Variants in DIS3L2 observed in about 807,000 individuals in gnomAD.
DIS3L2 encodes the protein DIS3 like 3'-5' exoribonuclease 2, also known as DIS3-like exonuclease 2.
In DIS3L2, 34 loss-of-function variants were observed where a neutral mutation model predicts 97.5. That is an observed-to-expected ratio of 0.35 (90% CI 0.27 to 0.46). The LOEUF is 0.46. Among genes scored for constraint, DIS3L2 ranks in the 20% least tolerant of loss-of-function variants. DIS3L2 has a pLI of 1.00. For synonymous variants in DIS3L2, 435 were observed against 445.2 expected (o/e 0.98, Z 0.29); for missense variants, 1,038 against 1,146.0 (o/e 0.91, Z 1.36).
chr2:232,309,252 CTCTA>C, intron 14 of DIS3L2, among the ~76,000 whole-genome samples: 1 of 152,214 alleles, frequency 6.6e-6, no homozygotes, highest in Non-Finnish European at 1.5e-5. Flanking sequence ...ACTCCCCAGA[CTCTA>C]TCTTTCTGCC....
chr2:232,305,068 TTTTTA>T (rs908792010), intron 14 of DIS3L2, among the ~76,000 whole-genome samples: 1 of 152,036 alleles, frequency 6.6e-6, no homozygotes, highest in Non-Finnish European at 1.5e-5. Context: ...GAATATTTGG[TTTTTA>T]TTTTATTTTA....
At chr2:232,287,529 G>T (rs1694479136) in intron 13 of DIS3L2, among the ~76,000 whole-genome samples, 1 of 151,672 alleles carries the variant, frequency 6.6e-6, no homozygotes, top group Non-Finnish European at 1.5e-5. Flanking sequence ...CTCCTGAGTA[G>T]CTGGGACCAC....
At position 232,249,337 on chromosome 2, in the gene DIS3L2, A is replaced by G. The variant is rs1693356802; in HGVS notation, c.1416A>G (p.Pro472=). The G allele has an allele frequency of 6.2e-7, 1 of 1,614,196 alleles. No homozygotes were observed. The highest frequency in any genetic ancestry group is 8.5e-7 in the Non-Finnish European group (1 of 1,180,028). ...LTFSVIWTLT[P]EGKILDEWFG... is the part of the protein sequence containing the mutation. ...TCTCTGTGATCTGGACACTGACTCC[A>G]GAGGGCAAGGTAACAACTTACACGT... The change falls in exon 12 of 21, where the codon CCA becomes CCG. Residue 472 remains proline (P), a synonymous_variant. Coordinates refer to ENST00000325385, the MANE Select transcript of DIS3L2 (RefSeq NM_152383.5).
chr2:232,263,179 T>A, intron 12 of DIS3L2, 28 bp from the exon 13 acceptor site: 1 of 1,607,766 alleles, frequency 6.2e-7, no homozygotes, highest in African/African-American at 1.3e-5. Context: ...GTCCTCACAA[T>A]TCCCTTGTAA....
At chr2:232,176,855 G>T (rs933126682) in intron 9 of DIS3L2, among the ~76,000 whole-genome samples, 2 of 148,934 alleles carry the variant, frequency 1.3e-5, no homozygotes, top group Admixed American at 6.7e-5. Context: ...TGCACATTGT[G>T]CAGGTTAGTT....
intron 7 of DIS3L2, among the ~76,000 whole-genome samples, chr2:232,135,143 C>T (rs1196311806): frequency 6.6e-6 from 1 of 151,918 alleles, no homozygotes; most frequent in Admixed American, 6.6e-5. Flanking sequence ...AGGTTGCTGG[C>T]GTTGAAGAGA....
chr2:232,156,960 A>G (rs921271247), intron 8 of DIS3L2, among the ~76,000 whole-genome samples: 2 of 152,208 alleles, frequency 1.3e-5, no homozygotes, highest in African/African-American at 2.4e-5. Context: ...TGTGTTTTAT[A>G]TGTTAATAAA....
At chr2:232,135,538 G>A (rs1287755786) in intron 7 of DIS3L2, among the ~76,000 whole-genome samples, 1 of 152,174 alleles carries the variant, frequency 6.6e-6, no homozygotes, top group African/African-American at 2.4e-5. Flanking sequence ...GTTTTTCAGG[G>A]AAGAAGGAAG....
In DIS3L2 at chr2:232,270,116, C is replaced by G. The variant is rs528414762; in HGVS notation, c.1659+6676C>G. Among the ~76,000 whole-genome samples the G allele has an allele frequency of 7.9e-5, 12 of 152,210 alleles. No individual in the cohort carries two copies. In the South Asian group the frequency reaches 2.3e-3, roughly 29 times the overall value. ...CAGTTTAGGCACATGGTAGTACCAC[C>G]TGGGGACACCACCGTGGTGGAGGTC... On this transcript the variant is annotated intron_variant, in intron 13 of 20. Transcript: ENST00000325385.
At chr2:232,000,308 A>G (rs1693840939) in intron 1 of DIS3L2, among the ~76,000 whole-genome samples, 1 of 152,216 alleles carries the variant, frequency 6.6e-6, no homozygotes, top group Non-Finnish European at 1.5e-5. Flanking sequence ...AGATGACTGT[A>G]TACAATATAT....
At chr2:232,187,123 A>G (rs1216768905) in intron 9 of DIS3L2, among the ~76,000 whole-genome samples, 1 of 152,234 alleles carries the variant, frequency 6.6e-6, no homozygotes, top group East Asian at 1.9e-4. Context: ...GAATTTTAAG[A>G]CACACAAATG....
At position 232,275,390 on chromosome 2, in the gene DIS3L2, C is replaced by A. The variant is rs146646897; in HGVS notation, c.1659+11950C>A. Among the ~76,000 whole-genome samples the A allele has an allele frequency of 3.9e-3, 593 of 152,274 alleles. 5 individuals are homozygous for A. The highest frequency in any genetic ancestry group is 0.014 in the African/African-American group (562 of 41,550). On this transcript the variant is annotated intron_variant, in intron 13 of 20. Coordinates refer to ENST00000325385, the MANE Select transcript of DIS3L2 (RefSeq NM_152383.5). ...GCTGGGCACAGAAGAGGTATGCAGT[C>A]CTTTAGTGGGGCATCACTCGGCTAG... is the stretch of plus-strand genomic sequence containing the variant.
chr2:232,207,388 C>G (rs1260180407), intron 9 of DIS3L2, among the ~76,000 whole-genome samples: 1 of 152,216 alleles, frequency 6.6e-6, no homozygotes, highest in Non-Finnish European at 1.5e-5. Context: ...TACCATCAAT[C>G]TGTTCATTCA....
intron 9 of DIS3L2, among the ~76,000 whole-genome samples, chr2:232,185,088 G>C (rs1169535111): frequency 2.0e-5 from 3 of 152,186 alleles, no homozygotes; most frequent in African/African-American, 7.2e-5. Context: ...TTCTCATCAA[G>C]AGCAAGGACT....
chr2:232,057,228 A>G (rs1195494800), intron 5 of DIS3L2, among the ~76,000 whole-genome samples: 1 of 152,176 alleles, frequency 6.6e-6, no homozygotes, highest in Non-Finnish European at 1.5e-5. Flanking sequence ...TGAAAGGGGC[A>G]AGAGAAGAAC....
At chr2:232,244,284 G>A (rs972603402) in intron 11 of DIS3L2, among the ~76,000 whole-genome samples, 2 of 152,156 alleles carry the variant, frequency 1.3e-5, no homozygotes, top group African/African-American at 2.4e-5. Flanking sequence ...CCCCAGCTGT[G>A]TTCTGGGGAC....
intron 11 of DIS3L2, among the ~76,000 whole-genome samples, chr2:232,244,642 G>A (rs1693198566): frequency 6.6e-6 from 1 of 152,208 alleles, no homozygotes; most frequent in Admixed American, 6.5e-5. Context: ...AGTGGGCCTG[G>A]GAGAAATTGG....
At chr2:232,216,132 T>TGTTGCTTTCTCACTTCCC (rs578121246) in intron 10 of DIS3L2, among the ~76,000 whole-genome samples, 3 of 152,262 alleles carry the variant, frequency 2.0e-5, no homozygotes, top group East Asian at 1.9e-4. Context: ...CTTTACTTGC[T>TGTTGCTTTCTCACTTCCC]GTTGCTTTCT....
At chr2:232,131,754 T>C (rs141317621) in intron 7 of DIS3L2, 2 of 152,110 alleles carry the variant, frequency 1.3e-5, no homozygotes, top group African/African-American at 4.8e-5. Context: ...TAATAGAGTA[T>C]TGCTCTTGCA....
Sources: allele counts gnomAD v4.1 joint callset (sites outside exome capture counted in the v4.1 genomes callset), GRCh38; gene constraint gnomAD v4.1.1; transcripts MANE v1.5; gene names NCBI Gene and HGNC (gene_info 2026-07-23, HGNC 2026-07-21).